CTPS2: variants seen among roughly 807,000 people sequenced by gnomAD.
CTPS2 encodes the protein CTP synthase II.
In CTPS2, 19 loss-of-function variants were observed where a neutral mutation model predicts 46.8. The ratio of observed to expected loss-of-function variants is 0.41; its 90% CI spans 0.28 to 0.60. CTPS2 has a LOEUF of 0.60. Ranked by LOEUF, CTPS2 falls within the 20% of genes least tolerant of loss-of-function variation. The pLI is 0.35. For synonymous variants in CTPS2, 151 were observed against 165.2 expected (o/e 0.91, Z 0.66); for missense variants, 286 against 447.6 (o/e 0.64, Z 3.26).
intron 14 of CTPS2, chrX:16,638,680 A>G: frequency 4.6e-6 from 1 of 216,555 alleles, no homozygotes; most frequent in South Asian, 6.4e-5. Flanking sequence ...GGGAACAGAG[A>G]AATACGCTTC....
intron 11 of CTPS2, among the ~76,000 whole-genome samples, chrX:16,668,943 G>A (rs781308367): frequency 9.0e-6 from 1 of 111,648 alleles, no homozygotes; most frequent in South Asian, 3.8e-4. Flanking sequence ...CCCCAACTCA[G>A]AGGGAGTTTC....
chrX:16,676,435 C>T (rs1339023157), intron 10 of CTPS2, among the ~76,000 whole-genome samples: 2 of 111,724 alleles, frequency 1.8e-5, no homozygotes, highest in Non-Finnish European at 3.8e-5. Flanking sequence ...TGGGTGGGCT[C>T]AGCTTTAAAA....
chrX:16,597,764 AATCT>A (rs1929370334), intron 17 of CTPS2, among the ~76,000 whole-genome samples: 1 of 110,411 alleles, frequency 9.1e-6, no homozygotes, highest in Admixed American at 9.7e-5. Context: ...GATGGCATTG[AATCT>A]ATAAATTACC....
chrX:16,659,942 T>G (rs1282258999), intron 13 of CTPS2, among the ~76,000 whole-genome samples: 1 of 111,970 alleles, frequency 8.9e-6, no homozygotes. Context: ...ATTTTCCATT[T>G]TCTTTATCTA....
intron 14 of CTPS2, among the ~76,000 whole-genome samples, chrX:16,635,823 AG>A (rs1178261180): frequency 1.8e-5 from 2 of 112,312 alleles, no homozygotes; most frequent in Non-Finnish European, 3.7e-5. Context: ...CACAAGTGGG[AG>A]GGCACAAGTT....
rs757148599 is a variant in CTPS2 at position 16,659,911 on chromosome X, CA to C, written c.1296+7602del. 3.6e-5 allele frequency among the ~76,000 whole-genome samples: 4 copies of C among 111,664 alleles called. No individual in the cohort carries two copies. In the East Asian group the frequency reaches 1.1e-3, roughly 31 times the overall value. On this transcript the variant is annotated intron_variant, in intron 13 of 18. Transcript: ENST00000359276. ...TTGTGCCCTTTGACCAACATCTCCC[CA>C]TTTCTCCCACACACCCCACATTTTC...
At chrX:16,643,094 C>A (rs113711609) in intron 13 of CTPS2, among the ~76,000 whole-genome samples, 1,438 of 111,838 alleles carry the variant, frequency 0.013, 19 homozygotes, top group African/African-American at 0.044. Flanking sequence ...CACTAATTAA[C>A]CTTTACTGAT....
chrX:16,688,936 A>AT (rs1339638970), intron 8 of CTPS2, among the ~76,000 whole-genome samples: 7 of 106,969 alleles, frequency 6.5e-5, no homozygotes, highest in African/African-American at 2.5e-4. Flanking sequence ...TCTACAAAAA[A>AT]AAAAAAATAT....
intron 17 of CTPS2, among the ~76,000 whole-genome samples, chrX:16,596,841 C>T (rs1170083544): frequency 9.4e-6 from 1 of 106,402 alleles, no homozygotes; most frequent in East Asian, 3.0e-4. Context: ...TTCTCCACAT[C>T]CTCTCCAGCA....
intron 9 of CTPS2, among the ~76,000 whole-genome samples, chrX:16,682,664 T>C (rs1922841522): frequency 9.0e-6 from 1 of 111,531 alleles, no homozygotes; most frequent in Admixed American, 9.6e-5. Flanking sequence ...GACAACATGG[T>C]TTCTGCTGCA....
intron 14 of CTPS2, among the ~76,000 whole-genome samples, chrX:16,624,821 GAGAA>G (rs1931039472): frequency 8.9e-6 from 1 of 111,846 alleles, no homozygotes; most frequent in Non-Finnish European, 1.9e-5. Flanking sequence ...CAAAGCTTTA[GAGAA>G]AGAAAACCAA....
At chrX:16,592,076 CT>C (rs113968510) in intron 17 of CTPS2, among the ~76,000 whole-genome samples, 2,706 of 103,163 alleles carry the variant, frequency 0.026, 92 homozygotes, top group African/African-American at 0.087. Flanking sequence ...TTCTCTGTCT[CT>C]TTTTTTTTTT....
chrX:16,694,044 G>A (rs1923915714), intron 4 of CTPS2, among the ~76,000 whole-genome samples: 1 of 110,213 alleles, frequency 9.1e-6, no homozygotes, highest in Non-Finnish European at 1.9e-5. Context: ...CACACCTGTA[G>A]TCCCAGCTAC....
At chrX:16,677,928 C>T (rs751774095) in intron 10 of CTPS2, among the ~76,000 whole-genome samples, 1 of 112,205 alleles carries the variant, frequency 8.9e-6, no homozygotes, top group African/African-American at 3.2e-5. Flanking sequence ...GCCCTCAGGG[C>T]TGCTCTGCTT....
intron 14 of CTPS2, among the ~76,000 whole-genome samples, chrX:16,624,742 T>C (rs1427994232): frequency 8.9e-6 from 1 of 111,990 alleles, no homozygotes; most frequent in East Asian, 2.8e-4. Context: ...ACAAAGTGAC[T>C]CAGTCTTTCT....
intron 14 of CTPS2, among the ~76,000 whole-genome samples, chrX:16,628,017 T>C (rs1256870538): frequency 9.0e-6 from 1 of 111,653 alleles, no homozygotes; most frequent in Non-Finnish European, 1.9e-5. Flanking sequence ...TCCTTTCTTT[T>C]GTGCAAAATG....
chrX:16,643,984 A>C (rs1932195035), intron 13 of CTPS2, among the ~76,000 whole-genome samples: 2 of 111,567 alleles, frequency 1.8e-5, no homozygotes, highest in African/African-American at 6.5e-5. Flanking sequence ...TCAGCCTACC[A>C]AATAAATAAC....
At chrX:16,643,642 ATTACT>A (rs1383197882) in intron 13 of CTPS2, among the ~76,000 whole-genome samples, 1 of 111,930 alleles carries the variant, frequency 8.9e-6, no homozygotes, top group Non-Finnish European at 1.9e-5. Flanking sequence ...TTACATCAGC[ATTACT>A]TTCCCTAATG....
chrX:16,653,805 G>A (rs73450306), intron 13 of CTPS2, among the ~76,000 whole-genome samples: 2,877 of 112,161 alleles, frequency 0.026, 93 homozygotes, highest in African/African-American at 0.088. Flanking sequence ...AAGGGGTTGA[G>A]CTCTGGAGTC....
Sources: allele counts gnomAD v4.1 joint callset (sites outside exome capture counted in the v4.1 genomes callset), GRCh38; gene constraint gnomAD v4.1.1; transcripts MANE v1.5; gene names NCBI Gene and HGNC (gene_info 2026-07-23, HGNC 2026-07-21).